The following PHKA2 variants were observed in gnomAD, a reference collection of about 807,000 sequenced individuals.
PHKA2 encodes phosphorylase kinase regulatory subunit alpha 2.
PHKA2 carries 31 observed loss-of-function variants against 102.0 expected under a neutral mutation model. That is an observed-to-expected ratio of 0.30 (90% confidence interval 0.23 to 0.41). The LOEUF is 0.41. Ranked by LOEUF, PHKA2 falls within the 10% of genes least tolerant of loss-of-function variation. The probability of loss-of-function intolerance (pLI) is 1.00; values close to 1 mark genes in which losing one functional copy is unlikely to be tolerated. For missense variants in PHKA2, 858 were observed against 1,023.1 expected, an observed-to-expected ratio of 0.84 and a Z score of 2.20; for synonymous variants, 455 against 416.2, an observed-to-expected ratio of 1.09 and a Z score of -1.13.
intron 5 of PHKA2, among the ~76,000 whole-genome samples, chrX:18,946,072 C>T (rs953570261): frequency 2.3e-4 from 25 of 110,006 alleles, no homozygotes; most frequent in African/African-American, 7.6e-4. Flanking sequence ...GGATTACAGG[C>T]GCACACCACC....
intron 30 of PHKA2, 151 bp downstream of exon 30, chrX:18,897,012 G>A (rs2047572110): frequency 7.7e-6 from 5 of 650,688 alleles, no homozygotes; most frequent in Non-Finnish European, 1.3e-5. Context: ...AGGCCCCCTA[G>A]CAGAGAATGC....
intron 4 of PHKA2, among the ~76,000 whole-genome samples, chrX:18,950,290 G>C (rs1187878577): frequency 8.9e-6 from 1 of 112,166 alleles, no homozygotes; most frequent in Non-Finnish European, 1.9e-5. Flanking sequence ...GTCTAGAAGA[G>C]GGTGACCAGG....
At chrX:18,919,250 A>G (rs760851928) in intron 18 of PHKA2, among the ~76,000 whole-genome samples, 2 of 111,871 alleles carry the variant, frequency 1.8e-5, no homozygotes, top group Non-Finnish European at 3.8e-5. Flanking sequence ...CTACTATCTA[A>G]AAGTGAAAAA....
At chrX:18,975,542 A>G (rs1284565299) in intron 1 of PHKA2, among the ~76,000 whole-genome samples, 1 of 112,127 alleles carries the variant, frequency 8.9e-6, no homozygotes, top group Admixed American at 9.5e-5. Flanking sequence ...CTTGAACTTA[A>G]CAAAACTCTA....
intron 19 of PHKA2, among the ~76,000 whole-genome samples, chrX:18,913,378 C>A (rs1252158770): frequency 9.0e-6 from 1 of 111,463 alleles, no homozygotes; most frequent in East Asian, 2.8e-4. Flanking sequence ...GCTTAAAACA[C>A]AGATCGTACA....
In PHKA2 at chrX:18,908,711, C is replaced by G. The variant is rs930247470; in HGVS notation, c.2360+90G>C. 5 of 846,875 alleles carry G rather than the reference C, an allele frequency of 5.9e-6. No individual in the cohort carries two copies. The African/African-American group carries it at 1.0e-4, about 17-fold the overall frequency. 69.8% of individuals were successfully genotyped at this position (846,875 alleles called of 1,213,427 possible). The stretch of plus-strand genomic sequence containing the variant: ...CCTTGAGTTTCAACTTCCCAGCCTC[C>G]GGAACTGTGAGAAATTCATTTCTGT... On this transcript the variant is annotated intron_variant, in intron 21 of 32. Transcript: ENST00000379942.
rs192874751 is a variant in PHKA2 at position 18,981,381 on chromosome X, G to A, written c.78+2474C>T. Among the ~76,000 whole-genome samples the A allele has an allele frequency of 1.3e-4, 14 of 111,716 alleles. No individual in the cohort carries two copies. In the East Asian group the frequency reaches 3.7e-3, roughly 29 times the overall value. Reference sequence around the variant, plus strand: ...ACCCCCAAAATAAATACAACTAAAGGCTCACACAACTTTTTTTTAATCATT... The same window carrying A: ...ACCCCCAAAATAAATACAACTAAAGACTCACACAACTTTTTTTTAATCATT... On this transcript the variant is annotated intron_variant, in intron 1 of 32. Coordinates refer to ENST00000379942, the MANE Select transcript of PHKA2 (RefSeq NM_000292.3).
In PHKA2 at chrX:18,938,659, T is replaced by C; in HGVS notation, c.1009A>G (p.Ile337Val). 4 of 1,204,960 alleles carry C rather than the reference T, an allele frequency of 3.3e-6. No individual in the cohort carries two copies. The highest frequency in any genetic ancestry group is 4.5e-6 in the Non-Finnish European group (4 of 888,975). The change falls in exon 10 of 33, where the codon ATA becomes GTA. Residue 337 changes from isoleucine to valine, a missense_variant. By Grantham distance (29) the Ile-to-Val change is conservative (BLOSUM62 3). This residue lies in a region of PHKA2 where 671 missense variants were observed against 745.2 expected (regional missense o/e 0.90). Coordinates refer to ENST00000379942, the MANE Select transcript of PHKA2 (RefSeq NM_000292.3). Reference sequence around the variant, plus strand: ...GCATCACCACTGAAGACTCCATCTATTATAAAATATGTCCAAAACACAGGC... The same window carrying C: ...GCATCACCACTGAAGACTCCATCTACTATAAAATATGTCCAAAACACAGGC... Reference protein sequence around the residue: ...EWPVFWTYFIIDGVFSGDAVQ... With the variant: ...EWPVFWTYFIVDGVFSGDAVQ...
chrX:18,920,463 T>G (rs923973645), intron 17 of PHKA2, among the ~76,000 whole-genome samples: 1 of 112,461 alleles, frequency 8.9e-6, no homozygotes, highest in African/African-American at 3.2e-5. Flanking sequence ...CAAATACGAC[T>G]CTATTTTACT....
chrX:18,973,028 A>G (rs1486136351), intron 1 of PHKA2, among the ~76,000 whole-genome samples: 2 of 112,165 alleles, frequency 1.8e-5, no homozygotes, highest in Non-Finnish European at 3.8e-5. Context: ...TCTGAGACGG[A>G]GTCTCATTCT....
rs769262697 is a variant in PHKA2 at position 18,893,476 on chromosome X, G to A, written c.*9C>T. On this transcript the variant is annotated 3_prime_UTR_variant, in exon 33 of 33. Coordinates refer to ENST00000379942, the MANE Select transcript of PHKA2 (RefSeq NM_000292.3). ...GATTGAGAGTGTGATCATGTTTCCA[G>A]GTGAGACCCTATTGCATCTGGCAGC... is the stretch of plus-strand genomic sequence containing the variant. The A allele has an allele frequency of 8.3e-7, 1 of 1,208,624 alleles. No homozygotes were observed. The highest frequency in any genetic ancestry group is 1.8e-5 in the South Asian group (1 of 56,896).
chrX:18,895,088 C>T, intron 31 of PHKA2, 50 bp downstream of exon 31: 1 of 1,132,822 alleles, frequency 8.8e-7, no homozygotes, highest in Non-Finnish European at 1.2e-6. Flanking sequence ...CAATGAAGCC[C>T]TTATTGTGAA....
In PHKA2 at chrX:18,925,518, C is replaced by T. The variant is rs111693334; in HGVS notation, c.1569+150G>A. On this transcript the variant is annotated intron_variant, in intron 15 of 32. Transcript: ENST00000379942. ...AAAAGCATTTACCGAGCACCTACTACGGGCAGACTTGTACTAGGCTCTTGG... is the reference window on the plus strand; with the variant it reads ...AAAAGCATTTACCGAGCACCTACTATGGGCAGACTTGTACTAGGCTCTTGG... 894 of 493,243 alleles carry T rather than the reference C, an allele frequency of 1.8e-3. 12 individuals are homozygous for T. Among genetic ancestry groups the T allele is most frequent in the African/African-American group, 0.018 (762 of 42,211 alleles). The allele number at this position is 493,243 out of a possible 1,213,427, so 40.6% of individuals were successfully genotyped here.
rs1319135942 is a variant in PHKA2, at chrX:18,948,820, C to T, written c.461G>A (p.Arg154His). The part of the protein sequence containing the change: ...FLAQMTASGL[R>H]IIFTLDEVAF... Reference sequence around the variant, plus strand: ...CACCTCATCGAGAGTGAAAATGATACGTAAGCCTAGCAAAGAAAAACAATG... The same window carrying T: ...CACCTCATCGAGAGTGAAAATGATATGTAAGCCTAGCAAAGAAAAACAATG... The change falls in exon 5 of 33, where the codon CGT (arginine) becomes CAT (histidine). Residue 154 changes from arginine to histidine, a missense_variant. Physicochemically the swap from Arg to His is conservative, Grantham distance 29. This residue lies in a region of PHKA2 where 187 missense variants were observed against 277.9 expected (regional missense o/e 0.67). Transcript: ENST00000379942. 3 of 1,173,867 alleles carry T rather than the reference C, an allele frequency of 2.6e-6. No individual in the cohort carries two copies. The highest frequency in any genetic ancestry group is 3.0e-5 in the East Asian group (1 of 33,300).
chrX:18,897,029 C>T, intron 30 of PHKA2, 134 bp downstream of exon 30: 1 of 747,857 alleles, frequency 1.3e-6, no homozygotes, highest in African/African-American at 2.0e-5. Context: ...ATGCCTCGGC[C>T]CCAGGTGCCA....
chrX:18,917,256 A>AG (rs2048033304), intron 19 of PHKA2, among the ~76,000 whole-genome samples: 1 of 108,126 alleles, frequency 9.2e-6, no homozygotes, highest in Non-Finnish European at 1.9e-5. Flanking sequence ...CTGCAAAAAA[A>AG]TGTCTTTTTT....
At chrX:18,932,348 C>G (rs1312182623) in intron 11 of PHKA2, among the ~76,000 whole-genome samples, 2 of 111,526 alleles carry the variant, frequency 1.8e-5, no homozygotes, top group Non-Finnish European at 3.8e-5. Context: ...GTAAGCTAGT[C>G]TGCAACTTTC....
intron 1 of PHKA2, among the ~76,000 whole-genome samples, chrX:18,954,997 G>C (rs1436407089): frequency 8.9e-6 from 1 of 112,254 alleles, no homozygotes; most frequent in African/African-American, 3.2e-5. Flanking sequence ...ATTTAAAAGG[G>C]CAACTGAGTC....
At chrX:18,928,858 T>G (rs961159512) in intron 13 of PHKA2, among the ~76,000 whole-genome samples, 4 of 112,878 alleles carry the variant, frequency 3.5e-5, no homozygotes, top group African/African-American at 9.7e-5. Context: ...GGCGGAAAGA[T>G]GTCAGGACTC....
Sources: allele counts gnomAD v4.1 joint callset (sites outside exome capture counted in the v4.1 genomes callset), GRCh38; gene constraint gnomAD v4.1.1; regional missense constraint gnomAD v4.1.1; transcripts MANE v1.5; gene names NCBI Gene and HGNC (gene_info 2026-07-23, HGNC 2026-07-21).